Variants in POGZ observed in about 807,000 individuals in gnomAD.
POGZ encodes pogo transposable element derived with ZNF domain.
Under a neutral mutation model 134.6 loss-of-function variants are expected in POGZ, and 17 were observed. That is an observed-to-expected ratio of 0.13 (90% CI 0.09 to 0.19). POGZ has a LOEUF of 0.19. POGZ is among the 10% of genes least tolerant of loss of function. The pLI is 1.00. For synonymous variants in POGZ, 693 were observed against 657.1 expected (o/e 1.05, Z -0.84); for missense variants, 1,306 against 1,769.7 (o/e 0.74, Z 4.70).
chr1:151,428,064 A>G (rs750664564), intron 6 of POGZ, 23 bp from the exon 7 acceptor site: 1 of 1,613,704 alleles, frequency 6.2e-7, no homozygotes, highest in Non-Finnish European at 8.5e-7. Context: ...AGTGATAATC[A>G]TCTGTTCTCC....
intron 3 of POGZ, chr1:151,439,181 T>A (rs1660115942): frequency 6.6e-6 from 1 of 152,196 alleles, no homozygotes; most frequent in African/African-American, 2.4e-5. Context: ...TACAGTTTAG[T>A]CACTTAGCAA....
intron 10 of POGZ, among the ~76,000 whole-genome samples, chr1:151,416,285 G>C (rs1305927039): frequency 1.3e-5 from 2 of 149,270 alleles, no homozygotes; most frequent in African/African-American, 2.5e-5. Flanking sequence ...GACAGAGTGC[G>C]GTGGCTCACG....
chr1:151,434,356 C>A (rs1001344430), intron 3 of POGZ, among the ~76,000 whole-genome samples: 1 of 152,004 alleles, frequency 6.6e-6, no homozygotes, highest in African/African-American at 2.4e-5. Context: ...TGCCTGTAGT[C>A]CCAGCTACTT....
chr1:151,436,240 G>A (rs1659568506), intron 3 of POGZ, among the ~76,000 whole-genome samples: 1 of 152,218 alleles, frequency 6.6e-6, no homozygotes, highest in East Asian at 1.9e-4. Context: ...TTACGGGCGT[G>A]AGCCACCGCG....
rs776996426 is a variant in POGZ at position 151,408,012 on chromosome 1, CAAAA to C, written c.2375+84_2375+87del. ...AGGGGACAGAGTGAGACCCTGTCTT[CAAAA>C]AAAAAAAAAAAAAAAGAAGAAGAAG... On this transcript the variant is annotated intron_variant, in intron 15 of 18. Coordinates refer to ENST00000271715, the MANE Select transcript of POGZ (RefSeq NM_015100.4). The C allele has an allele frequency of 6.0e-4, 549 of 910,266 alleles. 2 individuals are homozygous for C. The African/African-American group carries it at 9.3e-3, about 15-fold the overall frequency. The allele number at this position is 910,266 out of a possible 1,614,324, so 56.4% of individuals were successfully genotyped here. A position where few individuals can be genotyped will look rare whatever the true frequency, so the allele number is the denominator to read the frequency against.
At chr1:151,449,910 C>T (rs917433421) in intron 1 of POGZ, among the ~76,000 whole-genome samples, 1 of 151,410 alleles carries the variant, frequency 6.6e-6, no homozygotes, top group East Asian at 1.9e-4. Flanking sequence ...GAGAGCAGAA[C>T]AAGGTTCTTA....
intron 1 of POGZ, among the ~76,000 whole-genome samples, chr1:151,446,234 T>C (rs1303396885): frequency 3.3e-5 from 4 of 121,082 alleles, no homozygotes; most frequent in South Asian, 3.0e-4. Flanking sequence ...CCTCCTTCCA[T>C]ACCAAATCTT....
Position 151,424,961 on chromosome 1 carries a change from G to C in POGZ, c.1179C>G (p.His393Gln). 1 of 1,553,404 alleles carries C rather than the reference G, an allele frequency of 6.4e-7. No homozygotes were observed. The highest frequency in any genetic ancestry group is 8.8e-7 in the Non-Finnish European group (1 of 1,130,340). ...CACAGGTGATATCACTTACACACAT[G>C]TGACCTCTCAAAGCTTCAGTAACAC... The part of the protein sequence containing the change: ...QFRVTEALRG[H>Q]MCYCCPEMVE... Residue 393 changes from histidine (H) to glutamine (Q), a missense_variant, in exon 8 of 19, where the codon CAC becomes CAG. Coordinates refer to ENST00000271715, the MANE Select transcript of POGZ (RefSeq NM_015100.4).
Position 151,404,076 on chromosome 1 carries a change from A to C in POGZ, c.*726T>G, listed in dbSNP as rs574015320. On this transcript the variant is annotated 3_prime_UTR_variant, in exon 19 of 19. Transcript: ENST00000271715. Reference sequence around the variant, plus strand: ...GGAGGGAAGGTGGTGAGGAAAAGACAAATCTATTCATTCTGGATAATTAAA... The same window carrying C: ...GGAGGGAAGGTGGTGAGGAAAAGACCAATCTATTCATTCTGGATAATTAAA... 32 of 985,500 alleles carry C rather than the reference A, an allele frequency of 3.2e-5. No homozygotes were observed. The South Asian group carries it at 1.3e-3, about 39-fold the overall frequency. 61.0% of individuals were successfully genotyped at this position (985,500 alleles called of 1,614,324 possible).
intron 1 of POGZ, among the ~76,000 whole-genome samples, chr1:151,452,375 G>A (rs1165195294): frequency 6.6e-6 from 1 of 151,456 alleles, no homozygotes; most frequent in East Asian, 1.9e-4. Flanking sequence ...TTTTGAGACA[G>A]GGTGTCATTC....
Position 151,404,062 on chromosome 1 carries a change from G to A in POGZ, c.*740C>T. 1.0e-6 allele frequency: 1 copy of A among 985,406 alleles called. No individual in the cohort carries two copies. The highest frequency in any genetic ancestry group is 1.2e-6 in the Non-Finnish European group (1 of 829,906). The allele number at this position is 985,406 out of a possible 1,614,324, so 61.0% of individuals were successfully genotyped here. On this transcript the variant is annotated 3_prime_UTR_variant, in exon 19 of 19. Coordinates refer to ENST00000271715, the MANE Select transcript of POGZ (RefSeq NM_015100.4). ...TTATGTCATGTTTTGGAGGGAAGGT[G>A]GTGAGGAAAAGACAAATCTATTCAT...
rs1442334858 is a variant in POGZ, at chr1:151,405,283, G to A, written c.3752C>T (p.Ala1251Val). The change falls in exon 19 of 19, where the codon GCA becomes GTA. Residue 1251 changes from alanine (A) to valine (V), a missense_variant. Ala to Val is a moderately conservative substitution (Grantham distance 64). Transcript: ENST00000271715. This position sits in a 1 kb window ranked among gnomAD's most constrained non-coding sequence, Gnocchi z 4.9. ...AMLSASSTLP[A>V]VVPAGCSSKI... ...GGAGCTACAGCCTGCTGGGACCACT[G>A]CAGGCAAAGTGCTAGAGGCACTAAG... 1 of 1,614,114 alleles carries A rather than the reference G, an allele frequency of 6.2e-7. No individual in the cohort carries two copies. Among genetic ancestry groups the A allele is most frequent in the African/African-American group, 1.3e-5 (1 of 74,944 alleles).
In POGZ at chr1:151,408,365, C is replaced by T. The variant is rs767538181; in HGVS notation, c.2234+44G>A. The T allele has an allele frequency of 3.2e-6, 5 of 1,555,570 alleles. No individual in the cohort carries two copies. In the East Asian group the frequency reaches 9.0e-5, roughly 28 times the overall value. Reference sequence around the variant, plus strand: ...CACTGTGTATCAGGAATAATCCTGGCCACCCAGTCCCCACCCGCCCAGCAC... The same window carrying T: ...CACTGTGTATCAGGAATAATCCTGGTCACCCAGTCCCCACCCGCCCAGCAC... On this transcript the variant is annotated intron_variant, in intron 14 of 18. Transcript: ENST00000271715.
chr1:151,424,897 A>G, intron 8 of POGZ, 58 bp downstream of exon 8: 2 of 852,540 alleles, frequency 2.3e-6, no homozygotes, highest in South Asian at 2.9e-5. Context: ...AGCTTCCAAT[A>G]TTAATGAAGG....
intron 1 of POGZ, among the ~76,000 whole-genome samples, chr1:151,453,973 T>C (rs979414311): frequency 6.6e-6 from 1 of 152,220 alleles, no homozygotes; most frequent in Non-Finnish European, 1.5e-5. Flanking sequence ...TTGCCTATCT[T>C]CATCTCAAAG....
At chr1:151,441,399 T>C (rs181310441) in intron 2 of POGZ, among the ~76,000 whole-genome samples, 31 of 152,290 alleles carry the variant, frequency 2.0e-4, no homozygotes, top group Middle Eastern at 3.4e-3. Context: ...TTACCACTAG[T>C]GGTATTCATA....
intron 1 of POGZ, among the ~76,000 whole-genome samples, chr1:151,455,884 T>C (rs911688444): frequency 5.4e-5 from 8 of 149,470 alleles, no homozygotes; most frequent in African/African-American, 7.4e-5. Flanking sequence ...CAACAAACGG[T>C]AGTTTCTTTC....
Position 151,424,134 on chromosome 1 carries a change from C to A in POGZ, c.1338G>T (p.Pro446=). The A allele has an allele frequency of 6.2e-7, 1 of 1,614,030 alleles. No homozygotes were observed. The highest frequency in any genetic ancestry group is 8.5e-7 in the Non-Finnish European group (1 of 1,180,006). ...PSSTPIPALS[P]PTKVPEPNEN... is the part of the protein sequence containing the mutation. ...CATTTGGTTCTGGTACTTTGGTAGG[C>A]GGTGACAGAGCAGGAATAGGTGTAG... is the stretch of plus-strand genomic sequence containing the variant. Residue 446 remains proline (P), a synonymous_variant, in exon 9 of 19, where the codon CCG becomes CCT. Coordinates refer to ENST00000271715, the MANE Select transcript of POGZ (RefSeq NM_015100.4).
At chr1:151,456,362 C>T (rs1662773505) in intron 1 of POGZ, among the ~76,000 whole-genome samples, 1 of 152,086 alleles carries the variant, frequency 6.6e-6, no homozygotes, top group African/African-American at 2.4e-5. Context: ...TAATTTTCAC[C>T]CAAATTTTAT....
Sources: allele counts gnomAD v4.1 joint callset (sites outside exome capture counted in the v4.1 genomes callset), GRCh38; gene constraint gnomAD v4.1.1; non-coding constraint Gnocchi (gnomAD v3.1); transcripts MANE v1.5; gene names NCBI Gene and HGNC (gene_info 2026-07-23, HGNC 2026-07-21).